CAPN3: variants seen among roughly 807,000 people sequenced by gnomAD.
CAPN3 encodes calpain 3.
CAPN3 carries 88 observed loss-of-function variants against 114.0 expected under a neutral mutation model. The observed-to-expected ratio is 0.77, with a 90% CI of 0.65 to 0.92. CAPN3 has a LOEUF of 0.92. Among genes scored for constraint, CAPN3 ranks in the 40% least tolerant of loss-of-function variants. The pLI is 0.00. For synonymous variants in CAPN3, 386 were observed against 382.9 expected (o/e 1.01, Z -0.09); for missense variants, 1,028 against 1,069.0 (o/e 0.96, Z 0.53).
intron 3 of CAPN3, among the ~76,000 whole-genome samples, chr15:42,387,455 A>T (rs1160604305): frequency 6.6e-6 from 1 of 152,212 alleles, no homozygotes; most frequent in Admixed American, 6.5e-5. Flanking sequence ...GAGCAGGAGA[A>T]TGAAAATCTT....
chr15:42,401,764 G>A lies in CAPN3; in HGVS notation c.1478G>A (p.Arg493Gln), dbSNP rs143583537. Residue 493 changes from arginine to glutamine, a missense_variant, in exon 11 of 24, where the codon CGG becomes CAG. By Grantham distance (43) the Arg-to-Gln change is conservative (BLOSUM62 1). Transcript: ENST00000397163. ...ALMQKNRRKDRKLGASLFTIG... is the reference protein window; with the variant it reads ...ALMQKNRRKDQKLGASLFTIG... The stretch of plus-strand genomic sequence containing the variant: ...ATGCAGAAGAACCGGCGGAAGGACC[G>A]GAAGCTAGGGGCCAGTCTCTTCACC... 3.2e-5 allele frequency: 52 copies of A among 1,614,058 alleles called. No individual in the cohort carries two copies. Among genetic ancestry groups the A allele is most frequent in the Middle Eastern group, 1.6e-4 (1 of 6,062 alleles).
Position 42,403,954 on chromosome 15 carries a change from GC to G in CAPN3, c.1782+179del. On this transcript the variant is annotated intron_variant, in intron 14 of 23. Transcript: ENST00000397163. ...ACTTTGGCATGGCCAGAAGTAATCG[GC>G]CTTAAGCACCGGGGGCCATTGAGGC... The G allele has an allele frequency of 2.8e-6, 2 of 707,252 alleles. 1 individual carries two copies. Among genetic ancestry groups the G allele is most frequent in the Admixed American group, 4.0e-5 (2 of 50,050 alleles). The allele number at this position is 707,252 out of a possible 1,614,324, so 43.8% of individuals were successfully genotyped here.
chr15:42,397,890 C>T (rs941740573), intron 9 of CAPN3, among the ~76,000 whole-genome samples: 2 of 151,960 alleles, frequency 1.3e-5, no homozygotes, highest in African/African-American at 4.8e-5. Context: ...GATGTGGTGG[C>T]GTGTGCCTGT....
intron 3 of CAPN3, among the ~76,000 whole-genome samples, chr15:42,386,645 G>A (rs935776630): frequency 6.6e-6 from 1 of 152,120 alleles, no homozygotes; most frequent in Non-Finnish European, 1.5e-5. Flanking sequence ...GGTTGTACAG[G>A]AACCCCTGTC....
chr15:42,410,128 C>T (rs2054163918), intron 19 of CAPN3, 133 bp downstream of exon 19: 1 of 843,796 alleles, frequency 1.2e-6, no homozygotes, highest in Admixed American at 1.8e-5. Flanking sequence ...TGATTCAGAA[C>T]ATCTTGGATA....
At chr15:42,378,517 T>A (rs1030616363) in intron 1 of CAPN3, among the ~76,000 whole-genome samples, 2 of 152,242 alleles carry the variant, frequency 1.3e-5, no homozygotes, top group Non-Finnish European at 2.9e-5. Context: ...ATTTTTAATA[T>A]TAGTAATTTG....
rs151090625 is a variant in CAPN3 at position 42,399,549 on chromosome 15, G to A, written c.1251G>A (p.Thr417=). 2.0e-5 allele frequency: 33 copies of A among 1,613,696 alleles called. No individual in the cohort carries two copies. The highest frequency in any genetic ancestry group is 1.6e-4 in the Middle Eastern group (1 of 6,080). ...CAAAGTTGGAGATCTGCAACCTCAC[G>A]GCCGATGCTCTGCAGTCTGACAAGC... ...HFTKLEICNL[T]ADALQSDKLQ... Residue 417 remains threonine, a synonymous_variant, in exon 10 of 24, where the codon ACG becomes ACA. Transcript: ENST00000397163.
intron 9 of CAPN3, among the ~76,000 whole-genome samples, chr15:42,397,305 C>G (rs1026161292): frequency 6.6e-6 from 1 of 152,190 alleles, no homozygotes; most frequent in East Asian, 1.9e-4. Flanking sequence ...CCCCTAAGTT[C>G]CCCGAGGACT....
At chr15:42,367,659 C>T (rs1247847676) in intron 1 of CAPN3, among the ~76,000 whole-genome samples, 1 of 152,186 alleles carries the variant, frequency 6.6e-6, no homozygotes, top group Non-Finnish European at 1.5e-5. Context: ...GGCTCCATCT[C>T]CTTGAGTAAC....
intron 1 of CAPN3, among the ~76,000 whole-genome samples, chr15:42,379,584 T>C (rs1361393643): frequency 6.6e-6 from 1 of 152,220 alleles, no homozygotes; most frequent in Non-Finnish European, 1.5e-5. Flanking sequence ...CTTTCAGTTC[T>C]ATCACTCTTT....
chr15:42,403,929 A>G (rs2053946507), intron 14 of CAPN3, 152 bp downstream of exon 14: 1 of 777,952 alleles, frequency 1.3e-6, no homozygotes, highest in East Asian at 2.5e-5. Flanking sequence ...TGCAAATCCT[A>G]CTTTGGCATG....
chr15:42,361,084 G>A (rs971472961), intron 1 of CAPN3, among the ~76,000 whole-genome samples: 18 of 152,308 alleles, frequency 1.2e-4, no homozygotes, highest in Admixed American at 1.1e-3. Flanking sequence ...GTGGCAAGGA[G>A]AGCTAACCTG....
At position 42,394,351 on chromosome 15, in the gene CAPN3, G is replaced by T; in HGVS notation, c.1115+10G>T. The T allele has an allele frequency of 6.4e-7, 1 of 1,553,468 alleles. No homozygotes were observed. Among genetic ancestry groups the T allele is most frequent in the South Asian group, 1.2e-5 (1 of 84,212 alleles). On this transcript the variant is annotated intron_variant, in intron 8 of 23. Transcript: ENST00000397163. ...GTTCTTGGAGTGATAGGTAGGTGAG[G>T]GGACCCCACGGGATTGGCGGTGGCG...
intron 15 of CAPN3, among the ~76,000 whole-genome samples, chr15:42,406,894 CCT>C (rs2054039371): frequency 1.3e-5 from 2 of 152,160 alleles, no homozygotes; most frequent in Non-Finnish European, 2.9e-5. Context: ...CAAGCCAAGG[CCT>C]CTGGGGCCTG....
At chr15:42,371,583 A>G (rs2052948638) in intron 1 of CAPN3, among the ~76,000 whole-genome samples, 1 of 152,132 alleles carries the variant, frequency 6.6e-6, no homozygotes, top group African/African-American at 2.4e-5. Context: ...GGCATTCTTT[A>G]TATATCCTGG....
chr15:42,402,084 A>G (rs1208385890), intron 11 of CAPN3, 40 bp from the exon 12 acceptor site: 1 of 1,613,648 alleles, frequency 6.2e-7, no homozygotes. Context: ...CCTCATCCTC[A>G]TTCACATCTG....
chr15:42,401,670 C>G lies in CAPN3; in HGVS notation c.1384C>G (p.Leu462Val). ...DTFWTNPQYR[L>V]KLLEEDDDPD... ...TTTCTGGACCAACCCTCAGTACCGTCTGAAGCTCCTGGAGGAGGACGATGA... is the reference window on the plus strand; with the variant it reads ...TTTCTGGACCAACCCTCAGTACCGTGTGAAGCTCCTGGAGGAGGACGATGA... The change falls in exon 11 of 24, where the codon CTG becomes GTG. Residue 462 changes from leucine (L) to valine (V), a missense_variant. Leu to Val is a conservative substitution (Grantham distance 32, BLOSUM62 1). Coordinates refer to ENST00000397163, the MANE Select transcript of CAPN3 (RefSeq NM_000070.3). 6.2e-7 allele frequency: 1 copy of G among 1,614,208 alleles called. No individual in the cohort carries two copies. Among genetic ancestry groups the G allele is most frequent in the Non-Finnish European group, 8.5e-7 (1 of 1,180,040 alleles).
intron 23 of CAPN3, 26 bp from the exon 24 acceptor site, chr15:42,411,721 C>T (rs745913358): frequency 1.2e-6 from 1 of 835,344 alleles, no homozygotes; most frequent in South Asian, 1.3e-5. Flanking sequence ...TTCTGATCTA[C>T]ATTCTGATCT....
chr15:42,400,058 A>G (rs1202134339), intron 10 of CAPN3, among the ~76,000 whole-genome samples: 1 of 152,222 alleles, frequency 6.6e-6, no homozygotes, highest in Non-Finnish European at 1.5e-5. Flanking sequence ...CTATTTTACA[A>G]GAAAGTGTTG....
Sources: gnomAD v4.1 joint callset for allele counts (sites outside exome capture counted in the v4.1 genomes callset) on GRCh38, gnomAD v4.1.1 for gene constraint, MANE v1.5 for transcripts, NCBI Gene and HGNC (gene_info 2026-07-23, HGNC 2026-07-21) for gene names.